VPS13D: variants seen among roughly 807,000 people sequenced by gnomAD.
VPS13D encodes the protein vacuolar protein sorting 13 homolog D, also known as intermembrane lipid transfer protein VPS13D.
A neutral mutation model predicts 461.9 loss-of-function variants in VPS13D; 187 were observed. The observed-to-expected ratio is 0.40, with a 90% CI of 0.36 to 0.46. VPS13D has a LOEUF of 0.46. Ranked by LOEUF, VPS13D falls within the 20% of genes least tolerant of loss-of-function variation. The pLI is 0.60. For synonymous variants in VPS13D, 1,951 were observed against 1,986.3 expected, an observed-to-expected ratio of 0.98 and a Z score of 0.47; for missense variants, 4,711 against 5,364.9, an observed-to-expected ratio of 0.88 and a Z score of 3.81.
At position 12,277,752 on chromosome 1, in the gene VPS13D, C is replaced by T; in HGVS notation, c.4164C>T (p.Ile1388=). The T allele has an allele frequency of 6.2e-7, 1 of 1,614,222 alleles. No individual in the cohort carries two copies. Among genetic ancestry groups the T allele is most frequent in the South Asian group, 1.1e-5 (1 of 91,086 alleles). ...NINIESPVVS[I]PRKPGSPELL... ...ACATTGAATCACCAGTTGTTTCTAT[C>T]CCTCGGAAGCCGGGGAGTCCTGAGT... Residue 1388 remains isoleucine, a synonymous_variant, in exon 19 of 70, where the codon ATC becomes ATT. Transcript: ENST00000620676.
At chr1:12,463,598 C>A (rs2100425065) in intron 67 of VPS13D, among the ~76,000 whole-genome samples, 1 of 150,736 alleles carries the variant, frequency 6.6e-6, no homozygotes, top group Middle Eastern at 3.4e-3. Context: ...AAAAAAAAAA[C>A]AAACCTGGAT....
rs528007604 is a variant in VPS13D at position 12,502,651 on chromosome 1, A to T, written c.12795-4202A>T. On this transcript the variant is annotated intron_variant, in intron 68 of 69. Transcript: ENST00000620676. The surrounding 1 kb of genome is among the most constrained non-coding windows in gnomAD (Gnocchi z 4.3). ...AAATGAGTTAATATCGAAAAAAAAA[A>T]AAAAGAGCAGGAGGAAAATTAAGTA... 2.6e-5 allele frequency among the ~76,000 whole-genome samples: 4 copies of T among 151,962 alleles called. No homozygotes were observed. Among genetic ancestry groups the T allele is most frequent in the Non-Finnish European group, 5.9e-5 (4 of 67,988 alleles).
In VPS13D at chr1:12,308,597, C is replaced by T. The variant is rs773980351; in HGVS notation, c.6606C>T (p.Thr2202=). The change falls in exon 27 of 70, where the codon ACC becomes ACT. Residue 2202 remains threonine (T), a synonymous_variant. Coordinates refer to ENST00000620676, the MANE Select transcript of VPS13D (RefSeq NM_015378.4). ...GACAGACAGGAGGAAGCCTCTTAACCGAGCCTTGTAGGCTGAAATTGCAGG... is the reference window on the plus strand; with the variant it reads ...GACAGACAGGAGGAAGCCTCTTAACTGAGCCTTGTAGGCTGAAATTGCAGG... ...FVRQTGGSLL[T]EPCRLKLQVE... The T allele has an allele frequency of 1.4e-5, 23 of 1,613,504 alleles. No individual in the cohort carries two copies. Among genetic ancestry groups the T allele is most frequent in the East Asian group, 1.1e-4 (5 of 44,872 alleles).
chr1:12,261,106 G>T lies in VPS13D; in HGVS notation c.1371G>T (p.Leu457=). ...CAGAAGGGAATGTGGTTGAGGGACT[G>T]TCAGCAGAGCAACAGGAGCAGTGGA... ...QTPEGNVVEG[L]SAEQQEQWIP... Residue 457 remains leucine, a synonymous_variant, in exon 12 of 70, where the codon CTG becomes CTT. Coordinates refer to ENST00000620676, the MANE Select transcript of VPS13D (RefSeq NM_015378.4). The T allele has an allele frequency of 6.2e-7, 1 of 1,614,210 alleles. No individual in the cohort carries two copies. The highest frequency in any genetic ancestry group is 8.5e-7 in the Non-Finnish European group (1 of 1,180,028).
At chr1:12,328,410 A>C (rs920195408) in intron 36 of VPS13D, among the ~76,000 whole-genome samples, 3 of 148,490 alleles carry the variant, frequency 2.0e-5, no homozygotes, top group Non-Finnish European at 3.0e-5. Context: ...TTGTTGCCCA[A>C]GGTTGGTCTC....
intron 65 of VPS13D, among the ~76,000 whole-genome samples, chr1:12,437,207 A>G (rs1645073886): frequency 6.6e-6 from 1 of 152,192 alleles, no homozygotes; most frequent in Non-Finnish European, 1.5e-5. Flanking sequence ...GACTCAGTCT[A>G]GTGCAAAGTC....
intron 7 of VPS13D, among the ~76,000 whole-genome samples, chr1:12,254,325 GC>G (rs1435507948): frequency 6.6e-6 from 1 of 152,014 alleles, no homozygotes; most frequent in Non-Finnish European, 1.5e-5. Context: ...ATAGGCATGA[GC>G]CCCCACACCC....
chr1:12,308,740 C>T, intron 27 of VPS13D, 99 bp downstream of exon 27: 1 of 1,123,148 alleles, frequency 8.9e-7, no homozygotes, highest in South Asian at 1.5e-5. Flanking sequence ...ACCTCCACCT[C>T]TGAGGTTCAA....
chr1:12,366,857 A>C (rs1413874189), intron 52 of VPS13D, among the ~76,000 whole-genome samples: 1 of 152,208 alleles, frequency 6.6e-6, no homozygotes, highest in Non-Finnish European at 1.5e-5. Flanking sequence ...TTCCTTTCTG[A>C]ACTATTTGAA....
Position 12,304,743 on chromosome 1 carries a change from A to C in VPS13D, c.6439+15A>C. The stretch of plus-strand genomic sequence containing the variant: ...CAGTAGTCCAGGTAAAAGAGGAGAA[A>C]AGCAACATAATACTGAAGGTGGGGA... On this transcript the variant is annotated intron_variant, in intron 26 of 69. Coordinates refer to ENST00000620676, the MANE Select transcript of VPS13D (RefSeq NM_015378.4). 6.2e-7 allele frequency: 1 copy of C among 1,613,328 alleles called. No individual in the cohort carries two copies. The highest frequency in any genetic ancestry group is 8.5e-7 in the Non-Finnish European group (1 of 1,179,674).
rs576331804 is a variant in VPS13D, at chr1:12,290,472, T to C, written c.5726-526T>C. Among the ~76,000 whole-genome samples, 450 of 152,180 alleles carry C rather than the reference T, an allele frequency of 3.0e-3. 1 individual carries two copies. Among genetic ancestry groups the C allele is most frequent in the Non-Finnish European group, 4.8e-3 (329 of 67,984 alleles). On this transcript the variant is annotated intron_variant, in intron 22 of 69. Coordinates refer to ENST00000620676, the MANE Select transcript of VPS13D (RefSeq NM_015378.4). ...GCGCGGTGGCTCACACCTGTAATCC[T>C]AGCATTTTGGGAGGCCAAGGCGGGC... is the stretch of plus-strand genomic sequence containing the variant.
In VPS13D at chr1:12,304,226, C is replaced by T. The variant is rs1416390444; in HGVS notation, c.6217-280C>T. Among the ~76,000 whole-genome samples the T allele has an allele frequency of 3.3e-5, 5 of 152,230 alleles. No individual in the cohort carries two copies. In the South Asian group the frequency reaches 6.2e-4, roughly 19 times the overall value. ...GAAGCAATTGGCATCTTCACATTTG[C>T]TCTTGAGCCAAAAGATGGTATCTTC... is the stretch of plus-strand genomic sequence containing the variant. On this transcript the variant is annotated intron_variant, in intron 25 of 69. Transcript: ENST00000620676.
chr1:12,314,014 A>T, intron 29 of VPS13D, 101 bp from the exon 30 acceptor site: 1 of 928,486 alleles, frequency 1.1e-6, no homozygotes, highest in Non-Finnish European at 1.6e-6. Flanking sequence ...TATGGGACTT[A>T]GATATATTTT....
At chr1:12,378,619 A>C in intron 56 of VPS13D, 28 bp downstream of exon 56, 2 of 1,501,832 alleles carry the variant, frequency 1.3e-6, no homozygotes, top group Non-Finnish European at 8.9e-7. Context: ...TTTTGATTCA[A>C]GCTCATTGCT....
chr1:12,420,436 C>T (rs1557428033), intron 65 of VPS13D, among the ~76,000 whole-genome samples: 1 of 152,162 alleles, frequency 6.6e-6, no homozygotes, highest in Non-Finnish European at 1.5e-5. Context: ...TCAGAGGGGA[C>T]AGAACTGCAC....
chr1:12,346,707 G>T lies in VPS13D; in HGVS notation c.9069+55G>T, dbSNP rs1229579820. On this transcript the variant is annotated intron_variant, in intron 44 of 69. Coordinates refer to ENST00000620676, the MANE Select transcript of VPS13D (RefSeq NM_015378.4). ...TTTATTGCGTATATACACTGCACCT[G>T]AATCATGTGGATATACATTTCTTAA... is the stretch of plus-strand genomic sequence containing the variant. 63 of 1,467,162 alleles carry T rather than the reference G, an allele frequency of 4.3e-5. No individual in the cohort carries two copies. In the East Asian group the frequency reaches 1.4e-3, roughly 34 times the overall value. The allele number at this position is 1,467,162 out of a possible 1,614,324, so 90.9% of individuals were successfully genotyped here.
chr1:12,399,436 C>T (rs2101679386), intron 60 of VPS13D, among the ~76,000 whole-genome samples: 1 of 152,020 alleles, frequency 6.6e-6, no homozygotes, highest in African/African-American at 2.4e-5. Flanking sequence ...ACCTCGTGAT[C>T]CGCCTGCCGC....
chr1:12,497,434 G>C (rs1645974894), intron 67 of VPS13D, 66 bp from the exon 68 acceptor site: 2 of 1,545,246 alleles, frequency 1.3e-6, no homozygotes, highest in East Asian at 4.6e-5. Context: ...TTGTCTTAGT[G>C]AGAAAGGAAA....
intron 57 of VPS13D, among the ~76,000 whole-genome samples, chr1:12,380,303 G>A (rs1644256639): frequency 6.6e-6 from 1 of 152,214 alleles, no homozygotes; most frequent in Non-Finnish European, 1.5e-5. Context: ...AGATGAATTA[G>A]ATTTAGACCT....
Sources: gnomAD v4.1 joint callset for allele counts (sites outside exome capture counted in the v4.1 genomes callset) on GRCh38, gnomAD v4.1.1 for gene constraint, Gnocchi (gnomAD v3.1) non-coding constraint, MANE v1.5 for transcripts, NCBI Gene and HGNC (gene_info 2026-07-23, HGNC 2026-07-21) for gene names.